The following THOC2 variants were observed in gnomAD, a reference collection of about 807,000 sequenced individuals.
The protein encoded by THOC2 is THO complex subunit 2.
A neutral mutation model predicts 128.4 loss-of-function variants in THOC2; 10 were observed. The observed-to-expected ratio is 0.08, with a 90% CI of 0.05 to 0.13. THOC2 has a LOEUF of 0.13. THOC2 is among the 10% of genes least tolerant of loss of function. THOC2 has a pLI of 1.00. For synonymous variants in THOC2, 393 were observed against 396.9 expected (o/e 0.99, Z 0.12); for missense variants, 535 against 1,155.7 (o/e 0.46, Z 7.79).
chrX:123,725,766 G>A (rs1188990289), intron 1 of THOC2, among the ~76,000 whole-genome samples: 1 of 111,278 alleles, frequency 9.0e-6, no homozygotes, highest in Non-Finnish European at 1.9e-5. Flanking sequence ...ACTAGCATCA[G>A]AAGATATAAC....
intron 1 of THOC2, among the ~76,000 whole-genome samples, chrX:123,724,721 G>T (rs1357816533): frequency 9.0e-6 from 1 of 111,090 alleles, no homozygotes; most frequent in African/African-American, 3.3e-5. Context: ...GCAATGGAGA[G>T]CATCTACTAA....
chrX:123,686,418 C>A (rs951323594), intron 8 of THOC2, 130 bp downstream of exon 8: 12 of 456,199 alleles, frequency 2.6e-5, no homozygotes, highest in African/African-American at 4.9e-5. Flanking sequence ...TGTTAGCTAT[C>A]CATTTATCTA....
At chrX:123,622,549 T>C (rs2047125280) in intron 30 of THOC2, among the ~76,000 whole-genome samples, 3 of 111,495 alleles carry the variant, frequency 2.7e-5, no homozygotes, top group Non-Finnish European at 3.8e-5. Flanking sequence ...TGAGGACTCA[T>C]AGAAGAATTT....
At chrX:123,653,571 A>T (rs755448822) in intron 12 of THOC2, among the ~76,000 whole-genome samples, 13 of 111,575 alleles carry the variant, frequency 1.2e-4, no homozygotes, top group African/African-American at 4.2e-4. Flanking sequence ...ACAAATTTAC[A>T]AGAAAAAAAA....
chrX:123,682,240 T>C, intron 8 of THOC2, among the ~76,000 whole-genome samples: 1 of 112,448 alleles, frequency 8.9e-6, no homozygotes, highest in Middle Eastern at 4.6e-3. Context: ...TTTTCTACAT[T>C]TGAAAATGTT....
chrX:123,665,533 C>A, intron 12 of THOC2, 109 bp downstream of exon 12: 1 of 523,264 alleles, frequency 1.9e-6, no homozygotes, highest in Non-Finnish European at 2.9e-6. Context: ...TCAACATAAC[C>A]CTTTATTAAA....
intron 38 of THOC2, among the ~76,000 whole-genome samples, chrX:123,607,257 G>A (rs765848995): frequency 3.2e-4 from 35 of 109,761 alleles, no homozygotes; most frequent in African/African-American, 1.2e-3. Context: ...ATTTAATTAT[G>A]GTCATATTTA....
At position 123,732,911 on chromosome X, in the gene THOC2, CCCGGCCCGGCAGTGCGCCTGCCT is replaced by C; in HGVS notation, c.71+18_71+40del. The C allele has an allele frequency of 8.5e-7, 1 of 1,181,657 alleles. No individual in the cohort carries two copies. The highest frequency in any genetic ancestry group is 1.2e-6 in the Non-Finnish European group (1 of 867,912). Reference sequence around the variant, plus strand: ...GGTGAGAGTGCAGCTGACGCCCTGGCCCGGCCCGGCAGTGCGCCTGCCTCCGGCCCGAACACTCACAATTCGCC... The same window carrying C: ...GGTGAGAGTGCAGCTGACGCCCTGGCCCGGCCCGAACACTCACAATTCGCC... On this transcript the variant is annotated intron_variant, in intron 1 of 38. Transcript: ENST00000245838.
chrX:123,641,270 G>A (rs1603261345), intron 15 of THOC2, among the ~76,000 whole-genome samples: 1 of 111,801 alleles, frequency 8.9e-6, no homozygotes, highest in African/African-American at 3.2e-5. Flanking sequence ...AATCTTAAAT[G>A]CCTCTCCTGA....
chrX:123,718,976 C>A (rs991696102), intron 1 of THOC2, among the ~76,000 whole-genome samples: 1 of 109,930 alleles, frequency 9.1e-6, no homozygotes, highest in Non-Finnish European at 1.9e-5. Context: ...GAAATCGAGA[C>A]CATCCTGGCT....
At chrX:123,698,719 A>G (rs2050555327) in intron 4 of THOC2, among the ~76,000 whole-genome samples, 1 of 107,750 alleles carries the variant, frequency 9.3e-6, no homozygotes, top group African/African-American at 3.4e-5. Flanking sequence ...TACTAAAAAT[A>G]CAAAAATCAG....
chrX:123,605,938 T>C (rs1483143173), intron 38 of THOC2, among the ~76,000 whole-genome samples: 1 of 111,049 alleles, frequency 9.0e-6, no homozygotes. Context: ...GAACTGTTTT[T>C]AAAAAGGCCC....
At chrX:123,689,901 G>A (rs2050148776) in intron 7 of THOC2, among the ~76,000 whole-genome samples, 2 of 110,823 alleles carry the variant, frequency 1.8e-5, no homozygotes, top group African/African-American at 6.6e-5. Flanking sequence ...CCCAAGCACT[G>A]ATAATCATGT....
intron 1 of THOC2, among the ~76,000 whole-genome samples, chrX:123,724,998 A>T (rs2051884001): frequency 9.0e-6 from 1 of 111,558 alleles, no homozygotes; most frequent in African/African-American, 3.3e-5. Flanking sequence ...GGATCGCCAG[A>T]GCCCAGGAAG....
At chrX:123,662,587 C>CAAAAA (rs777761030) in intron 12 of THOC2, among the ~76,000 whole-genome samples, 6 of 47,454 alleles carry the variant, frequency 1.3e-4, no homozygotes, top group African/African-American at 1.6e-4. Context: ...GACTCCGTCT[C>CAAAAA]AAAAAAAAAA....
intron 32 of THOC2, chrX:123,619,747 G>A (rs2047016812): frequency 1.2e-5 from 2 of 171,906 alleles, no homozygotes; most frequent in Admixed American, 7.8e-5. Flanking sequence ...GTTTAAGAAA[G>A]CAAAACATTT....
At chrX:123,714,246 T>C (rs1250515727) in intron 1 of THOC2, among the ~76,000 whole-genome samples, 2 of 112,208 alleles carry the variant, frequency 1.8e-5, no homozygotes, top group Non-Finnish European at 3.8e-5. Flanking sequence ...AGTATCTAAA[T>C]TGATCTTTTT....
In THOC2 at chrX:123,623,168, C is replaced by T; in HGVS notation, c.3619G>A (p.Gly1207Arg). 8.3e-7 allele frequency: 1 copy of T among 1,211,381 alleles called. No homozygotes were observed. The highest frequency in any genetic ancestry group is 1.1e-6 in the Non-Finnish European group (1 of 895,211). Residue 1207 changes from glycine (G) to arginine (R), a missense_variant, in exon 29 of 39, where the codon GGG becomes AGG. Physicochemically the swap from Gly to Arg is moderately radical, Grantham distance 125. Coordinates refer to ENST00000245838, the MANE Select transcript of THOC2 (RefSeq NM_001081550.2). ...VASVQNGPGG[G>R]PSSSSIGSAS... ...CTTCCTATTGATGATGAAGAAGGCC[C>T]ACCACCAGGCCCATTTTGCACACTG...
At position 123,695,325 on chromosome X, in the gene THOC2, T is replaced by C. The variant is rs762822067; in HGVS notation, c.601+696A>G. 5.3e-5 allele frequency among the ~76,000 whole-genome samples: 6 copies of C among 112,180 alleles called. No individual in the cohort carries two copies. In the East Asian group the frequency reaches 8.4e-4, roughly 16 times the overall value. On this transcript the variant is annotated intron_variant, in intron 7 of 38. Transcript: ENST00000245838. ...GAAAATCTGGATTACCCTATTTTTC[T>C]AGTGCTCATTCATCTTTTTTACAGA...
Sources: gnomAD v4.1 joint callset for allele counts (sites outside exome capture counted in the v4.1 genomes callset) on GRCh38, gnomAD v4.1.1 for gene constraint, MANE v1.5 for transcripts, NCBI Gene and HGNC (gene_info 2026-07-23, HGNC 2026-07-21) for gene names.